Variants in ERBB4 observed in about 807,000 individuals in gnomAD.
ERBB4 encodes the protein receptor tyrosine-protein kinase erbB-4.
A neutral mutation model predicts 158.0 loss-of-function variants in ERBB4; 42 were observed. The ratio of observed to expected loss-of-function variants is 0.27; its 90% confidence interval spans 0.21 to 0.34. The LOEUF (loss-of-function observed/expected upper bound fraction) is 0.34. Ranked by LOEUF, ERBB4 falls within the 10% of genes least tolerant of loss-of-function variation. The pLI is 1.00. For missense variants in ERBB4, 1,333 were observed against 1,624.1 expected (o/e 0.82, Z 3.08); for synonymous variants, 583 against 558.7 (o/e 1.04, Z -0.61).
intron 2 of ERBB4, among the ~76,000 whole-genome samples, chr2:211,954,664 G>C (rs1344199317): frequency 6.6e-6 from 1 of 151,972 alleles, no homozygotes; most frequent in Non-Finnish European, 1.5e-5. Flanking sequence ...AAGAGGGGGG[G>C]TAATAGAAAG....
intron 2 of ERBB4, among the ~76,000 whole-genome samples, chr2:211,955,740 T>C (rs1002703111): frequency 6.6e-6 from 1 of 152,098 alleles, no homozygotes; most frequent in Non-Finnish European, 1.5e-5. Context: ...GCTGTAACAA[T>C]TTAAACTGTT....
intron 1 of ERBB4, among the ~76,000 whole-genome samples, chr2:212,157,932 A>C (rs1342791015): frequency 6.6e-6 from 1 of 152,048 alleles, no homozygotes; most frequent in African/African-American, 2.4e-5. Context: ...AGTGAAACTA[A>C]ATACACAAAT....
At chr2:211,907,325 T>C (rs2079421937) in intron 3 of ERBB4, among the ~76,000 whole-genome samples, 1 of 151,768 alleles carries the variant, frequency 6.6e-6, no homozygotes, top group South Asian at 2.1e-4. Flanking sequence ...CTGATGTCAA[T>C]TTATTTTCTT....
intron 1 of ERBB4, among the ~76,000 whole-genome samples, chr2:212,537,150 C>CGGCGGCGGCGGGGGG (rs576146218): frequency 7.9e-5 from 12 of 151,212 alleles, no homozygotes; most frequent in African/African-American, 2.9e-4. Flanking sequence ...GCGGCGGCGG[C>CGGCGGCGGCGGGGGG]GGCGGAGCGG....
At chr2:211,892,892 T>C (rs2079004945) in intron 3 of ERBB4, among the ~76,000 whole-genome samples, 1 of 142,802 alleles carries the variant, frequency 7.0e-6, no homozygotes, top group Non-Finnish European at 1.5e-5. Flanking sequence ...TACAAACCAC[T>C]GCTCAAGGAA....
chr2:211,954,921 C>T (rs1353907433), intron 2 of ERBB4, among the ~76,000 whole-genome samples: 1 of 152,050 alleles, frequency 6.6e-6, no homozygotes, highest in Non-Finnish European at 1.5e-5. Flanking sequence ...CATTACACAT[C>T]CCTGCTGCTT....
At chr2:212,296,120 G>A (rs1412537904) in intron 1 of ERBB4, among the ~76,000 whole-genome samples, 1 of 151,954 alleles carries the variant, frequency 6.6e-6, no homozygotes, top group African/African-American at 2.4e-5. Flanking sequence ...TTCGATAGGT[G>A]AAGCAGCACT....
chr2:211,602,994 T>C (rs920978610), intron 19 of ERBB4, among the ~76,000 whole-genome samples: 1 of 151,994 alleles, frequency 6.6e-6, no homozygotes, highest in African/African-American at 2.4e-5. Flanking sequence ...TTTGGGAGGC[T>C]GAGGTGGGCG....
At position 211,379,740 on chromosome 2, in the gene ERBB4, A is replaced by G. The variant is rs1040641253; in HGVS notation, c.*3875T>C. On this transcript the variant is annotated 3_prime_UTR_variant, in exon 28 of 28. Transcript: ENST00000342788. Reference sequence around the variant, plus strand: ...CCTTTTCTATTACCTTATGAACTACATATACTAGTTAAATTATCAACAATT... The same window carrying G: ...CCTTTTCTATTACCTTATGAACTACGTATACTAGTTAAATTATCAACAATT... 1 of 231,978 alleles carries G rather than the reference A, an allele frequency of 4.3e-6. No individual in the cohort carries two copies. Among genetic ancestry groups the G allele is most frequent in the Non-Finnish European group, 8.5e-6 (1 of 117,372 alleles). The allele number at this position is 231,978 out of a possible 1,614,324, so 14.4% of individuals were successfully genotyped here. A position where few individuals can be genotyped will look rare whatever the true frequency, so the allele number is the denominator to read the frequency against.
At chr2:212,150,281 A>G (rs969555429) in intron 1 of ERBB4, among the ~76,000 whole-genome samples, 2 of 151,674 alleles carry the variant, frequency 1.3e-5, no homozygotes, top group African/African-American at 4.8e-5. Flanking sequence ...TGGCAAGATA[A>G]CTCCACTTTC....
At chr2:212,397,188 T>C (rs1316442081) in intron 1 of ERBB4, among the ~76,000 whole-genome samples, 1 of 152,112 alleles carries the variant, frequency 6.6e-6, no homozygotes, top group Non-Finnish European at 1.5e-5. Context: ...AAATACATAT[T>C]GCTAGGCAGG....
chr2:212,514,359 T>A (rs1307816725), intron 1 of ERBB4, among the ~76,000 whole-genome samples: 2 of 152,246 alleles, frequency 1.3e-5, no homozygotes, highest in Non-Finnish European at 2.9e-5. Flanking sequence ...TACTTAAAAG[T>A]AATGATATAA....
At chr2:212,293,569 C>T (rs1436495559) in intron 1 of ERBB4, among the ~76,000 whole-genome samples, 2 of 151,952 alleles carry the variant, frequency 1.3e-5, no homozygotes, top group Admixed American at 6.6e-5. Flanking sequence ...ACATATTGGC[C>T]GGGCATGGTG....
In ERBB4 at chr2:211,987,341, A is replaced by AAAAAAG. The variant is rs1215048952; in HGVS notation, c.235-39726_235-39725insCTTTTT. On this transcript the variant is annotated intron_variant, in intron 2 of 27. Coordinates refer to ENST00000342788, the MANE Select transcript of ERBB4 (RefSeq NM_005235.3). ...ATCTCAAGAAAAGACAAAAAAAAAA[A>AAAAAAG]AAAGAAAGAAATCTATCACCCATGA... 1.2e-4 allele frequency among the ~76,000 whole-genome samples: 15 copies of AAAAAAG among 124,412 alleles called. 3 individuals are homozygous for AAAAAAG. Among genetic ancestry groups the AAAAAAG allele is most frequent in the Admixed American group, 9.6e-5 (1 of 10,386 alleles). 81.6% of individuals were successfully genotyped at this position (124,412 alleles called of 152,430 possible).
intron 2 of ERBB4, among the ~76,000 whole-genome samples, chr2:211,984,932 A>G (rs915767651): frequency 6.6e-6 from 1 of 152,074 alleles, no homozygotes; most frequent in Non-Finnish European, 1.5e-5. Context: ...GGGTTTCACC[A>G]TGTTGCCCAG....
intron 3 of ERBB4, among the ~76,000 whole-genome samples, chr2:211,945,411 T>G (rs1366210578): frequency 1.3e-5 from 2 of 152,078 alleles, no homozygotes; most frequent in Non-Finnish European, 2.9e-5. Flanking sequence ...AAAATGTTCA[T>G]ATTAGCCTAA....
chr2:211,766,888 C>T (rs933140082), intron 4 of ERBB4, among the ~76,000 whole-genome samples: 32 of 152,272 alleles, frequency 2.1e-4, no homozygotes, highest in African/African-American at 5.1e-4. Context: ...CTCCTGAAAC[C>T]GGTCAGACTG....
At chr2:211,947,765 T>C in intron 2 of ERBB4, 149 bp from the exon 3 acceptor site, 1 of 690,104 alleles carries the variant, frequency 1.4e-6, no homozygotes, top group Non-Finnish European at 2.5e-6. Flanking sequence ...AAGAATTGGC[T>C]TCATAATAAA....
At chr2:211,511,671 C>T (rs1322869125) in intron 20 of ERBB4, among the ~76,000 whole-genome samples, 2 of 151,814 alleles carry the variant, frequency 1.3e-5, no homozygotes, top group African/African-American at 4.8e-5. Flanking sequence ...TTTCAGAATC[C>T]ATTGTTTAAT....
Sources: gnomAD v4.1 joint callset for allele counts (sites outside exome capture counted in the v4.1 genomes callset) on GRCh38, gnomAD v4.1.1 for gene constraint, MANE v1.5 for transcripts, NCBI Gene and HGNC (gene_info 2026-07-23, HGNC 2026-07-21) for gene names.